Variants in IGF2BP3 observed in about 807,000 individuals in gnomAD.
IGF2BP3 encodes insulin-like growth factor 2 mRNA-binding protein 3.
A neutral mutation model predicts 73.8 loss-of-function variants in IGF2BP3; 9 were observed. The ratio of observed to expected loss-of-function variants is 0.12; its 90% CI spans 0.07 to 0.21. IGF2BP3 has a LOEUF of 0.21. Ranked by LOEUF, IGF2BP3 falls within the 10% of genes least tolerant of loss-of-function variation. The pLI, the probability that IGF2BP3 is intolerant of heterozygous loss-of-function variation, is 1.00. For synonymous variants in IGF2BP3, 258 were observed against 256.7 expected (o/e 1.01, Z -0.05); for missense variants, 542 against 714.0 (o/e 0.76, Z 2.75).
At chr7:23,466,662 G>T (rs1015663140) in intron 2 of IGF2BP3, among the ~76,000 whole-genome samples, 4 of 152,096 alleles carry the variant, frequency 2.6e-5, no homozygotes, top group African/African-American at 9.7e-5. Flanking sequence ...ATATGCTTTT[G>T]GACTAAGCAA....
chr7:23,423,003 G>A (rs543746557), intron 2 of IGF2BP3, among the ~76,000 whole-genome samples: 1 of 152,320 alleles, frequency 6.6e-6, no homozygotes, highest in South Asian at 2.1e-4. Context: ...TCAAATACCC[G>A]ATCTCAAGTG....
intron 2 of IGF2BP3, among the ~76,000 whole-genome samples, chr7:23,457,495 C>A (rs928507238): frequency 2.0e-4 from 30 of 152,114 alleles, no homozygotes; most frequent in African/African-American, 7.2e-4. Context: ...AACTTCTCAA[C>A]AAGAAGTCTG....
At chr7:23,447,813 T>C (rs950455210) in intron 2 of IGF2BP3, among the ~76,000 whole-genome samples, 3 of 151,914 alleles carry the variant, frequency 2.0e-5, no homozygotes, top group African/African-American at 7.3e-5. Context: ...ATCCTGTTTC[T>C]ACAAATAAAA....
chr7:23,391,126 T>C lies in IGF2BP3; in HGVS notation c.285+27650A>G, dbSNP rs370970243. Among the ~76,000 whole-genome samples the C allele has an allele frequency of 3.8e-4, 47 of 122,474 alleles. 1 individual carries two copies. Among genetic ancestry groups the C allele is most frequent in the African/African-American group, 1.5e-3 (46 of 31,434 alleles). The allele number at this position is 122,474 out of a possible 152,430, so 80.3% of individuals were successfully genotyped here. A position where few individuals can be genotyped will look rare whatever the true frequency, so the allele number is the denominator to read the frequency against. On this transcript the variant is annotated intron_variant, in intron 3 of 14. Transcript: ENST00000258729. ...TTTTTTTTTTTTTTTTTAAGACAGA[T>C]TCTTACTCTGTCACCCAGGCTAGAG...
chr7:23,367,196 C>T (rs1384385813), intron 3 of IGF2BP3, among the ~76,000 whole-genome samples: 1 of 151,942 alleles, frequency 6.6e-6, no homozygotes, highest in Non-Finnish European at 1.5e-5. Context: ...CAGGCTAGTC[C>T]CGAATTCCTG....
intron 3 of IGF2BP3, among the ~76,000 whole-genome samples, chr7:23,412,767 T>C (rs1787064624): frequency 6.6e-6 from 1 of 151,844 alleles, no homozygotes; most frequent in African/African-American, 2.4e-5. Flanking sequence ...GGAGTTTTGA[T>C]TCTTTTGACT....
At chr7:23,447,614 ACT>A (rs1368206492) in intron 2 of IGF2BP3, among the ~76,000 whole-genome samples, 1 of 151,932 alleles carries the variant, frequency 6.6e-6, no homozygotes, top group Non-Finnish European at 1.5e-5. Flanking sequence ...ACAGAGCAAG[ACT>A]CTGTCTCAGA....
chr7:23,456,219 GA>G (rs34926256), intron 2 of IGF2BP3, among the ~76,000 whole-genome samples: 51,824 of 145,826 alleles, frequency 0.36, 9,252 homozygotes, highest in Middle Eastern at 0.41. Context: ...AAACCAGCTG[GA>G]AAAAAAAAAA....
intron 3 of IGF2BP3, among the ~76,000 whole-genome samples, chr7:23,407,510 G>A (rs572880481): frequency 1.7e-3 from 260 of 151,498 alleles, no homozygotes; most frequent in Admixed American, 0.016. Context: ...CTGGGAGGCC[G>A]AGGCAGGAGA....
At chr7:23,366,134 C>G (rs17148069) in intron 3 of IGF2BP3, among the ~76,000 whole-genome samples, 1 of 151,542 alleles carries the variant, frequency 6.6e-6, no homozygotes, top group Non-Finnish European at 1.5e-5. Context: ...TGTCAACTTC[C>G]GTGTAAATCT....
intron 11 of IGF2BP3, 88 bp from the exon 12 acceptor site, chr7:23,317,801 T>G: frequency 2.9e-6 from 3 of 1,029,400 alleles, no homozygotes; most frequent in Non-Finnish European, 4.6e-6. Flanking sequence ...TGCATGTGAC[T>G]GGCTGAAATG....
At chr7:23,345,034 T>G (rs274049) in intron 8 of IGF2BP3, among the ~76,000 whole-genome samples, 7,562 of 152,066 alleles carry the variant, frequency 0.05, 318 homozygotes, top group South Asian at 0.11. Flanking sequence ...CTTTGTGGGG[T>G]TTTTTTCCCC....
rs144657909 is a variant in IGF2BP3 at position 23,345,948 on chromosome 7, C to T, written c.933G>A (p.Thr311=). 5.0e-5 allele frequency: 81 copies of T among 1,612,144 alleles called. No homozygotes were observed. The Middle Eastern group carries it at 5.7e-4, about 11-fold the overall frequency. The change falls in exon 8 of 15, where the codon ACG becomes ACA. Residue 311 remains threonine, a synonymous_variant. Transcript: ENST00000258729. ...KIEQDTDTKI[T]ISPLQELTLY... ...AGCAAAGGAGCACTCACGGAGATAT[C>T]GTGATTTTAGTGTCTGTGTCTTGCT...
chr7:23,414,600 A>G (rs2128533203), intron 3 of IGF2BP3: 1 of 152,500 alleles, frequency 6.6e-6, no homozygotes, highest in Middle Eastern at 3.4e-3. Flanking sequence ...GACAGGGTAT[A>G]TGAGGCATTA....
At position 23,313,709 on chromosome 7, in the gene IGF2BP3, A is replaced by G; in HGVS notation, c.1396-56T>C. 5 of 1,576,652 alleles carry G rather than the reference A, an allele frequency of 3.2e-6. No individual in the cohort carries two copies. The South Asian group carries it at 5.7e-5, about 18-fold the overall frequency. ...ATTCATGTATGAAATGGAAAAGGTCAGTTAACTTGAAAGATGGCCCAAATC... is the reference window on the plus strand; with the variant it reads ...ATTCATGTATGAAATGGAAAAGGTCGGTTAACTTGAAAGATGGCCCAAATC... On this transcript the variant is annotated intron_variant, in intron 12 of 14. Transcript: ENST00000258729.
chr7:23,342,787 G>C (rs544033293), intron 9 of IGF2BP3, among the ~76,000 whole-genome samples: 3 of 152,324 alleles, frequency 2.0e-5, no homozygotes, highest in Admixed American at 1.3e-4. Flanking sequence ...GACGGTGGAA[G>C]GGAGATTTGA....
chr7:23,339,700 C>G (rs1784660176), intron 10 of IGF2BP3, among the ~76,000 whole-genome samples: 1 of 152,134 alleles, frequency 6.6e-6, no homozygotes, highest in Non-Finnish European at 1.5e-5. Flanking sequence ...AGCAACCCAC[C>G]CAGAGAGAAA....
chr7:23,431,444 A>G (rs192270564), intron 2 of IGF2BP3: 1 of 152,322 alleles, frequency 6.6e-6, no homozygotes, highest in East Asian at 1.9e-4. Flanking sequence ...TTAAATAAGT[A>G]TCTGTAAAAG....
chr7:23,467,709 C>T (rs1788599719), intron 2 of IGF2BP3: 1 of 152,272 alleles, frequency 6.6e-6, no homozygotes, highest in Admixed American at 6.5e-5. Context: ...AGAGCCATGT[C>T]TCCAAAATGC....
Sources: allele counts gnomAD v4.1 joint callset (sites outside exome capture counted in the v4.1 genomes callset), GRCh38; gene constraint gnomAD v4.1.1; transcripts MANE v1.5; gene names NCBI Gene and HGNC (gene_info 2026-07-23, HGNC 2026-07-21).